Variants in GOLGA7B observed in about 807,000 individuals in gnomAD.
The protein encoded by GOLGA7B is golgin A7 family member B.
Under a neutral mutation model 21.5 loss-of-function variants are expected in GOLGA7B, and 17 were observed. That is an observed-to-expected ratio of 0.79 (90% CI 0.54 to 1.19). The LOEUF (loss-of-function observed/expected upper bound fraction) is 1.19, where lower values mean the gene tolerates loss of function less well. Ranked by LOEUF, GOLGA7B falls within the 50% of genes most tolerant of loss-of-function variation. The pLI, the probability that GOLGA7B is intolerant of heterozygous loss-of-function variation, is 0.00. For missense variants in GOLGA7B, 169 were observed against 224.4 expected (o/e 0.75, Z 1.58); for synonymous variants, 87 against 84.0 (o/e 1.04, Z -0.19).
chr10:97,863,780 C>T (rs968414258), intron 2 of GOLGA7B, 150 bp from the exon 3 acceptor site: 9 of 815,370 alleles, frequency 1.1e-5, no homozygotes, highest in Admixed American at 5.4e-5. Context: ...AGTGCTCTTT[C>T]GGCTCTGCCT....
At chr10:97,853,295 C>T (rs973092181) in intron 1 of GOLGA7B, among the ~76,000 whole-genome samples, 5 of 152,170 alleles carry the variant, frequency 3.3e-5, no homozygotes, top group Non-Finnish European at 7.3e-5. Context: ...TCCTAATTCT[C>T]GATGCCTCAC....
At position 97,869,755 on chromosome 10, in the gene GOLGA7B, G is replaced by T. The variant is rs2050071069; in HGVS notation, c.*4055G>T. On this transcript the variant is annotated 3_prime_UTR_variant, in exon 5 of 5. Transcript: ENST00000370602. The stretch of plus-strand genomic sequence containing the variant: ...CTGCCACCCGCAGGGACTTTTCTGT[G>T]GCTTCCAGAGGTGTGGGGCAAAGGT... The T allele has an allele frequency of 6.6e-6, 1 of 152,306 alleles. No individual in the cohort carries two copies. Among genetic ancestry groups the T allele is most frequent in the Non-Finnish European group, 1.5e-5 (1 of 68,098 alleles). The allele number at this position is 152,306 out of a possible 1,614,324, so 9.4% of individuals were successfully genotyped here. A position where few individuals can be genotyped will look rare whatever the true frequency, so the allele number is the denominator to read the frequency against.
intron 4 of GOLGA7B, among the ~76,000 whole-genome samples, chr10:97,864,818 GT>G (rs1424527086): frequency 2.6e-5 from 4 of 152,190 alleles, no homozygotes. Context: ...CTCAGTCCTG[GT>G]GAGAGGCTGG....
At chr10:97,850,363 C>A in intron 1 of GOLGA7B, 48 bp downstream of exon 1, 1 of 1,495,108 alleles carries the variant, frequency 6.7e-7, no homozygotes, top group African/African-American at 1.4e-5. Flanking sequence ...TGCCGCGGGA[C>A]CAAATGCCCT....
Position 97,866,800 on chromosome 10 carries a change from G to A in GOLGA7B, c.*1100G>A, listed in dbSNP as rs974509783. 6.6e-6 allele frequency: 1 copy of A among 152,216 alleles called. No homozygotes were observed. Among genetic ancestry groups the A allele is most frequent in the Non-Finnish European group, 1.5e-5 (1 of 68,046 alleles). 9.4% of individuals were successfully genotyped at this position (152,216 alleles called of 1,614,324 possible). On this transcript the variant is annotated 3_prime_UTR_variant, in exon 5 of 5. Coordinates refer to ENST00000370602, the MANE Select transcript of GOLGA7B (RefSeq NM_001010917.3). ...TGTGTATGAGTGTTCATGTGTATGA[G>A]TGTGTGTGTATGCAGGTGAGTGCAT...
At chr10:97,856,154 A>G (rs1005707674) in intron 1 of GOLGA7B, among the ~76,000 whole-genome samples, 7 of 152,050 alleles carry the variant, frequency 4.6e-5, no homozygotes, top group African/African-American at 1.7e-4. Context: ...ATTGGTGGAG[A>G]TTGGGCTTCT....
At chr10:97,857,523 C>T (rs918662131) in intron 1 of GOLGA7B, among the ~76,000 whole-genome samples, 8 of 152,104 alleles carry the variant, frequency 5.3e-5, no homozygotes, top group African/African-American at 1.7e-4. Context: ...GAAGAATCAA[C>T]ATCATTAAAA....
At chr10:97,856,404 T>C (rs145851990) in intron 1 of GOLGA7B, among the ~76,000 whole-genome samples, 4,010 of 152,320 alleles carry the variant, frequency 0.026, 67 homozygotes, top group South Asian at 0.041. Flanking sequence ...CTGCAAAAGA[T>C]ATGACTTTAT....
intron 2 of GOLGA7B, among the ~76,000 whole-genome samples, chr10:97,862,826 AG>A (rs769803711): frequency 4.5e-4 from 68 of 152,298 alleles, no homozygotes; most frequent in Non-Finnish European, 8.1e-4. Context: ...TCCTGGGCAC[AG>A]GGGGAGGCTG....
intron 1 of GOLGA7B, among the ~76,000 whole-genome samples, chr10:97,850,734 A>G (rs544215365): frequency 6.6e-6 from 1 of 152,314 alleles, no homozygotes; most frequent in African/African-American, 2.4e-5. Context: ...AAGGGATGAC[A>G]GACTTACCTC....
rs760701630 is a variant in GOLGA7B, at chr10:97,859,428, T to A, written c.13-30T>A. The stretch of plus-strand genomic sequence containing the variant: ...GATATGCCGAGATGGATGGTCACTC[T>A]CAGCACATGCCGCCCGCACGTCTCC... On this transcript the variant is annotated intron_variant, in intron 1 of 4. Coordinates refer to ENST00000370602, the MANE Select transcript of GOLGA7B (RefSeq NM_001010917.3). 5.0e-6 allele frequency: 8 copies of A among 1,612,016 alleles called. No homozygotes were observed. In the Admixed American group the frequency reaches 1.2e-4, roughly 24 times the overall value.
chr10:97,861,098 G>A (rs1280524376), intron 2 of GOLGA7B, among the ~76,000 whole-genome samples: 1 of 152,194 alleles, frequency 6.6e-6, no homozygotes, highest in African/African-American at 2.4e-5. Flanking sequence ...CTCCCTCCCT[G>A]GATCTGCTGA....
At position 97,865,580 on chromosome 10, in the gene GOLGA7B, C is replaced by T; in HGVS notation, c.394-10C>T. The T allele has an allele frequency of 6.2e-7, 1 of 1,612,836 alleles. No individual in the cohort carries two copies. On this transcript the variant is annotated splice_polypyrimidine_tract_variant and intron_variant, in intron 4 of 4. Transcript: ENST00000370602. ...CTGGGCTCGCAGCTCTCCTTAACCACCGACCCCAGATTGAGATCTCCATCT... is the reference window on the plus strand; with the variant it reads ...CTGGGCTCGCAGCTCTCCTTAACCATCGACCCCAGATTGAGATCTCCATCT...
chr10:97,868,673 G>A lies in GOLGA7B; in HGVS notation c.*2973G>A, dbSNP rs776767090. The A allele has an allele frequency of 2.0e-5, 3 of 152,186 alleles. No homozygotes were observed. The highest frequency in any genetic ancestry group is 4.4e-5 in the Non-Finnish European group (3 of 68,042). 9.4% of individuals were successfully genotyped at this position (152,186 alleles called of 1,614,324 possible). ...AGCGTGTTCTCTAATATGAGGGCAG[G>A]TTCATTCTGTTTTGGGATAGGAAGT... On this transcript the variant is annotated 3_prime_UTR_variant, in exon 5 of 5. Transcript: ENST00000370602.
At chr10:97,863,296 C>A (rs1214000638) in intron 2 of GOLGA7B, among the ~76,000 whole-genome samples, 4 of 152,158 alleles carry the variant, frequency 2.6e-5, no homozygotes, top group African/African-American at 7.2e-5. Flanking sequence ...TGAAAGAGTG[C>A]ATTTCCTGGC....
intron 2 of GOLGA7B, among the ~76,000 whole-genome samples, chr10:97,863,190 C>T (rs1327623239): frequency 6.6e-6 from 1 of 152,118 alleles, no homozygotes; most frequent in East Asian, 1.9e-4. Flanking sequence ...CAGAGCAGTT[C>T]GTGGTCCGCG....
At position 97,851,747 on chromosome 10, in the gene GOLGA7B, C is replaced by T. The variant is rs562643986; in HGVS notation, c.12+1432C>T. Among the ~76,000 whole-genome samples the T allele has an allele frequency of 6.0e-4, 91 of 152,330 alleles. 1 individual carries two copies. The highest frequency in any genetic ancestry group is 2.0e-3 in the African/African-American group (84 of 41,570). ...TGGGCAGAGAAGGCAGCTGCCTCTG[C>T]GATGTGATCTGACAGATTCCAACAG... On this transcript the variant is annotated intron_variant, in intron 1 of 4. Transcript: ENST00000370602.
chr10:97,867,714 T>G lies in GOLGA7B; in HGVS notation c.*2014T>G, dbSNP rs576020133. On this transcript the variant is annotated 3_prime_UTR_variant, in exon 5 of 5. Transcript: ENST00000370602. ...CAGTGCTATGGCCTTTTTTTTTTTTTTCTTTTTCCAATAAAAGAACTTGCC... is the reference window on the plus strand; with the variant it reads ...CAGTGCTATGGCCTTTTTTTTTTTTGTCTTTTTCCAATAAAAGAACTTGCC... The G allele has an allele frequency of 6.6e-6, 1 of 152,246 alleles. No homozygotes were observed. Among genetic ancestry groups the G allele is most frequent in the East Asian group, 1.9e-4 (1 of 5,184 alleles). 9.4% of individuals were successfully genotyped at this position (152,246 alleles called of 1,614,324 possible).
In GOLGA7B at chr10:97,867,743, C is replaced by T. The variant is rs2050045605; in HGVS notation, c.*2043C>T. The T allele has an allele frequency of 6.6e-6, 1 of 151,596 alleles. No individual in the cohort carries two copies. Among genetic ancestry groups the T allele is most frequent in the Non-Finnish European group, 1.5e-5 (1 of 67,966 alleles). 9.4% of individuals were successfully genotyped at this position (151,596 alleles called of 1,614,324 possible). A position where few individuals can be genotyped will look rare whatever the true frequency, so the allele number is the denominator to read the frequency against. ...TTTTCCAATAAAAGAACTTGCCCAG[C>T]GTGAAGCTCTGTGATGCTTTCTCTG... On this transcript the variant is annotated 3_prime_UTR_variant, in exon 5 of 5. Coordinates refer to ENST00000370602, the MANE Select transcript of GOLGA7B (RefSeq NM_001010917.3).
Sources: gnomAD v4.1 joint callset for allele counts (sites outside exome capture counted in the v4.1 genomes callset) on GRCh38, gnomAD v4.1.1 for gene constraint, MANE v1.5 for transcripts, NCBI Gene and HGNC (gene_info 2026-07-23, HGNC 2026-07-21) for gene names.